ADAM22: variants seen among roughly 807,000 people sequenced by gnomAD.
ADAM22 encodes disintegrin and metalloproteinase domain-containing protein 22.
In ADAM22, 65 loss-of-function variants were observed where a neutral mutation model predicts 144.6. The ratio of observed to expected loss-of-function variants is 0.45; its 90% CI spans 0.37 to 0.55. The LOEUF is 0.55. ADAM22 is among the 20% of genes least tolerant of loss of function. The pLI is 0.00. For missense variants in ADAM22, 974 were observed against 1,184.9 expected (o/e 0.82, Z 2.61); for synonymous variants, 391 against 412.6 (o/e 0.95, Z 0.63).
intron 23 of ADAM22, among the ~76,000 whole-genome samples, chr7:88,165,403 A>T (rs1842725007): frequency 6.6e-6 from 1 of 151,996 alleles, no homozygotes; most frequent in Admixed American, 6.6e-5. Flanking sequence ...TCTTCATCAG[A>T]CTTTTATTTC....
intron 4 of ADAM22, among the ~76,000 whole-genome samples, chr7:88,092,323 C>T (rs1267944018): frequency 1.3e-5 from 2 of 152,106 alleles, no homozygotes; most frequent in South Asian, 2.1e-4. Flanking sequence ...CATACACAGC[C>T]CGCAAGCAGG....
intron 25 of ADAM22, among the ~76,000 whole-genome samples, chr7:88,169,420 T>A (rs1173303786): frequency 6.6e-6 from 1 of 152,066 alleles, no homozygotes; most frequent in African/African-American, 2.4e-5. Context: ...CACAAATTCT[T>A]GTATCATTAA....
intron 31 of ADAM22, among the ~76,000 whole-genome samples, chr7:88,195,565 T>G (rs567836567): frequency 2.6e-5 from 4 of 152,108 alleles, no homozygotes; most frequent in African/African-American, 7.2e-5. Flanking sequence ...GCCCAGGCTA[T>G]AGTGCAATGT....
At chr7:87,980,368 A>T (rs565717077) in intron 3 of ADAM22, among the ~76,000 whole-genome samples, 1 of 151,216 alleles carries the variant, frequency 6.6e-6, no homozygotes, top group African/African-American at 2.4e-5. Context: ...TCATGATGTG[A>T]TACAAAAATG....
chr7:87,957,831 C>T (rs955750870), intron 2 of ADAM22, among the ~76,000 whole-genome samples: 1 of 152,196 alleles, frequency 6.6e-6, no homozygotes, highest in Non-Finnish European at 1.5e-5. Flanking sequence ...GATCTGCCCA[C>T]CTCGGCCTCC....
intron 3 of ADAM22, among the ~76,000 whole-genome samples, chr7:88,050,166 T>C (rs968658584): frequency 6.7e-6 from 1 of 149,152 alleles, no homozygotes; most frequent in Non-Finnish European, 1.5e-5. Context: ...GGAAGATAAC[T>C]TGAAGCCAAG....
intron 4 of ADAM22, chr7:88,090,101 A>G (rs1819471324): frequency 6.6e-6 from 1 of 152,210 alleles, no homozygotes; most frequent in South Asian, 2.1e-4. Flanking sequence ...AATGATCACA[A>G]ACAATTAATG....
chr7:87,939,585 A>C lies in ADAM22; in HGVS notation c.246+4399A>C, dbSNP rs151045177. Among the ~76,000 whole-genome samples the C allele has an allele frequency of 9.3e-3, 1,413 of 152,358 alleles. 7 individuals carry two copies. Among genetic ancestry groups the C allele is most frequent in the Non-Finnish European group, 0.015 (993 of 68,030 alleles). On this transcript the variant is annotated intron_variant, in intron 2 of 31. Coordinates refer to ENST00000413139, the MANE Select transcript of ADAM22 (RefSeq NM_001324418.2). ...CTTTAAGAATCATAAGAACTTAGTA[A>C]ATATACTGAAAATAACTATAAATGA...
intron 29 of ADAM22, among the ~76,000 whole-genome samples, chr7:88,183,344 T>C (rs1847548161): frequency 6.6e-6 from 1 of 152,130 alleles, no homozygotes; most frequent in South Asian, 2.1e-4. Flanking sequence ...ACAGATAAAA[T>C]TGCAAAATGT....
intron 22 of ADAM22, among the ~76,000 whole-genome samples, chr7:88,161,144 CA>C (rs979302586): frequency 6.8e-5 from 10 of 146,898 alleles, no homozygotes; most frequent in South Asian, 2.2e-4. Flanking sequence ...CCCCCCCACC[CA>C]AAAAAAATCA....
intron 2 of ADAM22, among the ~76,000 whole-genome samples, chr7:87,940,363 C>G (rs1362412163): frequency 6.6e-6 from 1 of 151,980 alleles, no homozygotes; most frequent in East Asian, 1.9e-4. Context: ...CAATGTATTA[C>G]TTAATGTTTC....
rs145117656 is a variant in ADAM22 at position 88,045,835 on chromosome 7, G to A, written c.324-29791G>A. On this transcript the variant is annotated intron_variant, in intron 3 of 31. Transcript: ENST00000413139. Reference sequence around the variant, plus strand: ...TTTATAATGTCCTCCAGGTTCATTCGTGTTGTTGCAAATGACAGGATTTCC... The same window carrying A: ...TTTATAATGTCCTCCAGGTTCATTCATGTTGTTGCAAATGACAGGATTTCC... 6.0e-5 allele frequency among the ~76,000 whole-genome samples: 9 copies of A among 150,634 alleles called. No homozygotes were observed. The South Asian group carries it at 6.3e-4, about 11-fold the overall frequency.
chr7:87,973,843 A>T (rs1851155866), intron 2 of ADAM22, among the ~76,000 whole-genome samples: 1 of 152,124 alleles, frequency 6.6e-6, no homozygotes, highest in Non-Finnish European at 1.5e-5. Context: ...TGAGGACAAA[A>T]AACCAAACAC....
chr7:88,140,773 C>A (rs1193363268), intron 14 of ADAM22, among the ~76,000 whole-genome samples: 2 of 152,018 alleles, frequency 1.3e-5, no homozygotes, highest in East Asian at 3.9e-4. Context: ...GAGGTCCAGG[C>A]TGCAGTGAGT....
At position 88,008,746 on chromosome 7, in the gene ADAM22, G is replaced by A. The variant is rs950769892; in HGVS notation, c.323+30334G>A. Reference sequence around the variant, plus strand: ...AGGGGAACATCACACTCTGGGGACTGTTGTGGGGTGGGGGTAGGGGGTATA... The same window carrying A: ...AGGGGAACATCACACTCTGGGGACTATTGTGGGGTGGGGGTAGGGGGTATA... On this transcript the variant is annotated intron_variant, in intron 3 of 31. Coordinates refer to ENST00000413139, the MANE Select transcript of ADAM22 (RefSeq NM_001324418.2). Among the ~76,000 whole-genome samples the A allele has an allele frequency of 1.5e-4, 23 of 151,792 alleles. 1 individual carries two copies. The East Asian group carries it at 1.6e-3, about 10-fold the overall frequency.
At chr7:87,941,418 A>C (rs1227645545) in intron 2 of ADAM22, among the ~76,000 whole-genome samples, 1 of 152,140 alleles carries the variant, frequency 6.6e-6, no homozygotes, top group African/African-American at 2.4e-5. Flanking sequence ...CTTGATGGTA[A>C]ATTGTCTGCA....
At chr7:88,100,241 A>G (rs1402621477) in intron 4 of ADAM22, among the ~76,000 whole-genome samples, 1 of 152,192 alleles carries the variant, frequency 6.6e-6, no homozygotes, top group African/African-American at 2.4e-5. Context: ...GGAAGTAAAC[A>G]TAGAACAAAT....
intron 4 of ADAM22, among the ~76,000 whole-genome samples, chr7:88,092,145 G>T: frequency 6.6e-6 from 1 of 152,124 alleles, no homozygotes; most frequent in Non-Finnish European, 1.5e-5. Context: ...TTTTGCCTAT[G>T]TGTAAATTTA....
Position 87,954,582 on chromosome 7 carries a change from C to A in ADAM22, c.246+19396C>A, listed in dbSNP as rs1277926730. Among the ~76,000 whole-genome samples the A allele has an allele frequency of 7.9e-5, 12 of 152,226 alleles. No individual in the cohort carries two copies. In the South Asian group the frequency reaches 2.1e-3, roughly 26 times the overall value. On this transcript the variant is annotated intron_variant, in intron 2 of 31. Coordinates refer to ENST00000413139, the MANE Select transcript of ADAM22 (RefSeq NM_001324418.2). ...TCTTTTGCTGCCCTTAACATTTTTT[C>A]CTTCATTTCAACTTTGGTGAATCTG...
Sources: allele counts gnomAD v4.1 joint callset (sites outside exome capture counted in the v4.1 genomes callset), GRCh38; gene constraint gnomAD v4.1.1; transcripts MANE v1.5; gene names NCBI Gene and HGNC (gene_info 2026-07-23, HGNC 2026-07-21).